Variants in PCSK5 observed in about 807,000 individuals in gnomAD.
PCSK5 encodes the protein proprotein convertase subtilisin/kexin type 5.
A neutral mutation model predicts 233.2 loss-of-function variants in PCSK5; 129 were observed. The ratio of observed to expected loss-of-function variants is 0.55; its 90% confidence interval spans 0.48 to 0.64. The LOEUF is 0.64. PCSK5 is among the 30% of genes least tolerant of loss of function. The probability of loss-of-function intolerance (pLI) is 0.00; values close to 1 mark genes in which losing one functional copy is unlikely to be tolerated. For synonymous variants in PCSK5, 825 were observed against 879.2 expected (o/e 0.94, Z 1.09); for missense variants, 2,076 against 2,430.1 (o/e 0.85, Z 3.06).
chr9:76,293,943 TC>T (rs1828355644), intron 25 of PCSK5, among the ~76,000 whole-genome samples: 1 of 152,224 alleles, frequency 6.6e-6, no homozygotes, highest in Non-Finnish European at 1.5e-5. Context: ...ACGCCTGTAA[TC>T]CCAACACTTT....
intron 9 of PCSK5, among the ~76,000 whole-genome samples, chr9:76,129,869 C>G (rs1822686312): frequency 2.0e-5 from 3 of 152,036 alleles, no homozygotes; most frequent in Admixed American, 2.0e-4. Flanking sequence ...AAATGTAATG[C>G]AAATACTGGG....
chr9:76,016,877 A>G (rs1191140093), intron 3 of PCSK5, among the ~76,000 whole-genome samples: 1 of 151,908 alleles, frequency 6.6e-6, no homozygotes, highest in South Asian at 2.1e-4. Context: ...TATGAGTAGA[A>G]TTTTGGAACA....
At chr9:75,969,702 T>C (rs1825737837) in intron 2 of PCSK5, among the ~76,000 whole-genome samples, 1 of 152,168 alleles carries the variant, frequency 6.6e-6, no homozygotes, top group Non-Finnish European at 1.5e-5. Context: ...ATGGTGGACA[T>C]TCCTGTGCCA....
chr9:76,005,951 T>A (rs1055606752), intron 3 of PCSK5, among the ~76,000 whole-genome samples: 1 of 151,722 alleles, frequency 6.6e-6, no homozygotes, highest in Non-Finnish European at 1.5e-5. Context: ...GCTCAAGTGA[T>A]CCTCCCACCT....
intron 4 of PCSK5, among the ~76,000 whole-genome samples, chr9:76,026,246 C>T (rs1175687108): frequency 1.3e-5 from 2 of 152,090 alleles, no homozygotes; most frequent in African/African-American, 2.4e-5. Context: ...AGCAAACAAG[C>T]AAATCCAACT....
intron 24 of PCSK5, among the ~76,000 whole-genome samples, chr9:76,270,704 T>A (rs1216463109): frequency 6.6e-6 from 1 of 152,216 alleles, no homozygotes; most frequent in Non-Finnish European, 1.5e-5. Context: ...GAAAATGTGA[T>A]GTGGGCTTTT....
intron 35 of PCSK5, among the ~76,000 whole-genome samples, chr9:76,342,220 G>A (rs12003309): frequency 0.012 from 1,854 of 152,132 alleles, 30 homozygotes; most frequent in African/African-American, 0.042. Flanking sequence ...ATGCATATGT[G>A]TCACTAATGG....
intron 7 of PCSK5, among the ~76,000 whole-genome samples, chr9:76,084,301 T>G (rs895539363): frequency 1.1e-4 from 16 of 152,260 alleles, no homozygotes; most frequent in African/African-American, 3.9e-4. Context: ...TATATTAATG[T>G]GAATTGTTGT....
At chr9:76,157,607 A>G (rs2377525) in intron 11 of PCSK5, among the ~76,000 whole-genome samples, 115,187 of 151,764 alleles carry the variant, frequency 0.76, 44,371 homozygotes, top group East Asian at 1. Context: ...CAAACTTGGA[A>G]GCTGTGCTGA....
intron 2 of PCSK5, among the ~76,000 whole-genome samples, chr9:75,965,509 G>T (rs767163314): frequency 6.6e-6 from 1 of 152,178 alleles, no homozygotes; most frequent in Non-Finnish European, 1.5e-5. Context: ...ATGCAGGCAC[G>T]TGGGAAGGGA....
At chr9:76,123,951 CT>C (rs1431131409) in intron 9 of PCSK5, among the ~76,000 whole-genome samples, 1 of 1,582 alleles carries the variant, frequency 6.3e-4, no homozygotes, top group Non-Finnish European at 9.9e-4. Flanking sequence ...TTTAGGATTT[CT>C]TTTTTCATTT....
At chr9:76,237,681 C>T (rs7871921) in intron 22 of PCSK5, among the ~76,000 whole-genome samples, 25,391 of 151,664 alleles carry the variant, frequency 0.17, 2,673 homozygotes, top group African/African-American at 0.3. Flanking sequence ...AAGGCTGAGG[C>T]GGGAGGATCA....
intron 3 of PCSK5, among the ~76,000 whole-genome samples, chr9:76,001,766 T>C (rs934094128): frequency 6.6e-5 from 10 of 152,150 alleles, no homozygotes; most frequent in Non-Finnish European, 1.5e-4. Flanking sequence ...GTCTGAAAGA[T>C]GAGGTAAAGC....
chr9:75,950,492 C>T (rs1027518155), intron 2 of PCSK5, among the ~76,000 whole-genome samples: 1 of 152,102 alleles, frequency 6.6e-6, no homozygotes, highest in Non-Finnish European at 1.5e-5. Flanking sequence ...GCTGATCTCT[C>T]GGCAGAAACT....
chr9:75,954,754 G>A (rs1825018742), intron 2 of PCSK5, among the ~76,000 whole-genome samples: 1 of 152,120 alleles, frequency 6.6e-6, no homozygotes. Flanking sequence ...CTGGGAGCAT[G>A]GCCTGAAAAT....
At chr9:76,083,449 C>T (rs1830934703) in intron 7 of PCSK5, among the ~76,000 whole-genome samples, 1 of 152,144 alleles carries the variant, frequency 6.6e-6, no homozygotes, top group African/African-American at 2.4e-5. Flanking sequence ...TTCCAGTGAA[C>T]TCTAACAGAA....
At chr9:76,111,535 C>G (rs1312877853) in intron 9 of PCSK5, among the ~76,000 whole-genome samples, 1 of 152,084 alleles carries the variant, frequency 6.6e-6, no homozygotes, top group Non-Finnish European at 1.5e-5. Flanking sequence ...ATGTGGTACC[C>G]TCAGAACATT....
chr9:76,247,111 T>C lies in PCSK5; in HGVS notation c.3142+6427T>C, dbSNP rs1327555520. Among the ~76,000 whole-genome samples, 4 of 152,206 alleles carry C rather than the reference T, an allele frequency of 2.6e-5. No homozygotes were observed. In the East Asian group the frequency reaches 7.7e-4, roughly 29 times the overall value. The stretch of plus-strand genomic sequence containing the variant: ...TAGGCACTTAGTCATGCAGGAACAA[T>C]GGCAAGCCTTTAGCCAGATCAGGAG... On this transcript the variant is annotated intron_variant, in intron 24 of 37. Transcript: ENST00000674117.
intron 24 of PCSK5, among the ~76,000 whole-genome samples, chr9:76,264,292 T>C (rs1230366255): frequency 6.6e-6 from 1 of 152,146 alleles, no homozygotes; most frequent in East Asian, 1.9e-4. Context: ...TATTTCACCA[T>C]ATACAAAAAT....
Sources: allele counts gnomAD v4.1 joint callset (sites outside exome capture counted in the v4.1 genomes callset), GRCh38; gene constraint gnomAD v4.1.1; transcripts MANE v1.5; gene names NCBI Gene and HGNC (gene_info 2026-07-23, HGNC 2026-07-21).